FOCAD: variants seen among roughly 807,000 people sequenced by gnomAD.
FOCAD encodes focadhesin.
Under a neutral mutation model 225.6 loss-of-function variants are expected in FOCAD, and 198 were observed. The ratio of observed to expected loss-of-function variants is 0.88; its 90% confidence interval spans 0.78 to 0.99. The LOEUF is 0.99. Among genes scored for constraint, FOCAD ranks in the 50% least tolerant of loss-of-function variants. The pLI, the probability that FOCAD is intolerant of heterozygous loss-of-function variation, is 0.00. For synonymous variants in FOCAD, 897 were observed against 755.0 expected, an observed-to-expected ratio of 1.19 and a Z score of -3.08; for missense variants, 2,713 against 2,123.6, an observed-to-expected ratio of 1.28 and a Z score of -5.46.
At chr9:20,668,616 G>A (rs971760365) in intron 2 of FOCAD, among the ~76,000 whole-genome samples, 4 of 152,204 alleles carry the variant, frequency 2.6e-5, no homozygotes, top group African/African-American at 9.7e-5. Flanking sequence ...TACAGGGCAT[G>A]ATGGCCACTG....
In FOCAD at chr9:20,995,689, G is replaced by T; in HGVS notation, c.*60G>T. 1 of 1,507,572 alleles carries T rather than the reference G, an allele frequency of 6.6e-7. No individual in the cohort carries two copies. 93.4% of individuals were successfully genotyped at this position (1,507,572 alleles called of 1,614,324 possible). ...GATGAGGAAAACCATATAAGTGGAAGAAGTTTTTCAGAATTCATGCCTGGT... is the reference window on the plus strand; with the variant it reads ...GATGAGGAAAACCATATAAGTGGAATAAGTTTTTCAGAATTCATGCCTGGT... On this transcript the variant is annotated 3_prime_UTR_variant, in exon 44 of 44. Coordinates refer to ENST00000338382, the MANE Select transcript of FOCAD (RefSeq NM_001375567.1).
chr9:20,797,072 A>C (rs888634923), intron 11 of FOCAD, among the ~76,000 whole-genome samples: 2 of 152,180 alleles, frequency 1.3e-5, no homozygotes, highest in Non-Finnish European at 2.9e-5. Context: ...TTAAATAGGG[A>C]ATCTTTAACC....
intron 35 of FOCAD, among the ~76,000 whole-genome samples, chr9:20,972,080 A>G (rs573298094): frequency 7.8e-4 from 119 of 152,176 alleles, no homozygotes; most frequent in Non-Finnish European, 1.4e-3. Flanking sequence ...TCTCTTCATG[A>G]TCTTGCTTTC....
chr9:20,786,167 G>T (rs1264760773), intron 10 of FOCAD, among the ~76,000 whole-genome samples: 2 of 151,942 alleles, frequency 1.3e-5, no homozygotes, highest in Non-Finnish European at 2.9e-5. Context: ...TTCTTTCTTT[G>T]TTTTTTTGGC....
chr9:20,906,441 T>A (rs1334849802), intron 21 of FOCAD, among the ~76,000 whole-genome samples: 1 of 151,602 alleles, frequency 6.6e-6, no homozygotes, highest in Non-Finnish European at 1.5e-5. Context: ...TTGATTGATC[T>A]TTCTTTAACA....
At chr9:20,939,896 T>TC (rs996226549) in intron 28 of FOCAD, among the ~76,000 whole-genome samples, 1 of 119,254 alleles carries the variant, frequency 8.4e-6, no homozygotes, top group Non-Finnish European at 1.7e-5. Flanking sequence ...ATGCTATCCC[T>TC]CCCCCCTCCC....
Position 20,702,838 on chromosome 9 carries a change from C to A in FOCAD, c.-32-12484C>A, listed in dbSNP as rs140274919. Among the ~76,000 whole-genome samples, 470 of 152,244 alleles carry A rather than the reference C, an allele frequency of 3.1e-3. 3 individuals carry two copies. Among genetic ancestry groups the A allele is most frequent in the African/African-American group, 0.011 (454 of 41,536 alleles). ...AAAGTGTCTTGTGGAGTGCTTAGCA[C>A]ATAGGAGATGTTTAATCCAATATGG... On this transcript the variant is annotated intron_variant, in intron 1 of 43. Coordinates refer to ENST00000338382, the MANE Select transcript of FOCAD (RefSeq NM_001375567.1).
chr9:20,782,308 G>A (rs1209074991), intron 10 of FOCAD, among the ~76,000 whole-genome samples: 2 of 152,140 alleles, frequency 1.3e-5, no homozygotes, highest in African/African-American at 4.8e-5. Context: ...TCCAAGGTGG[G>A]AAATAGTCCT....
chr9:20,847,802 G>A (rs1340604369), intron 15 of FOCAD, among the ~76,000 whole-genome samples: 1 of 152,060 alleles, frequency 6.6e-6, no homozygotes, highest in Non-Finnish European at 1.5e-5. Context: ...ATGAAAGAAT[G>A]ATCACTTTGC....
At chr9:20,685,529 C>G (rs796719277) in intron 1 of FOCAD, among the ~76,000 whole-genome samples, 14 of 152,274 alleles carry the variant, frequency 9.2e-5, no homozygotes, top group African/African-American at 3.4e-4. Flanking sequence ...ACATCCAATT[C>G]CTGCGTAGAA....
intron 11 of FOCAD, among the ~76,000 whole-genome samples, chr9:20,815,669 C>T (rs952565333): frequency 3.3e-5 from 5 of 152,014 alleles, no homozygotes; most frequent in African/African-American, 4.8e-5. Flanking sequence ...GGAACTTAAA[C>T]GCTGGAGGAG....
chr9:20,797,987 C>G (rs1264865065), intron 11 of FOCAD, among the ~76,000 whole-genome samples: 1 of 152,128 alleles, frequency 6.6e-6, no homozygotes, highest in Non-Finnish European at 1.5e-5. Flanking sequence ...GTGGGTTTGT[C>G]ATAGATAGCT....
At chr9:20,932,907 A>G in intron 27 of FOCAD, 107 bp from the exon 28 acceptor site, 1 of 784,536 alleles carries the variant, frequency 1.3e-6, no homozygotes, top group Non-Finnish European at 2.1e-6. Flanking sequence ...TTTTAAGAGA[A>G]ATGCTGGTAT....
At chr9:20,844,659 C>A (rs779794598) in intron 15 of FOCAD, among the ~76,000 whole-genome samples, 66 of 152,008 alleles carry the variant, frequency 4.3e-4, no homozygotes, top group Non-Finnish European at 7.1e-4. Context: ...CTGTACCCGG[C>A]CTCATCTAAC....
chr9:20,833,529 C>T (rs899558673), intron 15 of FOCAD, among the ~76,000 whole-genome samples: 3 of 152,176 alleles, frequency 2.0e-5, no homozygotes, highest in South Asian at 2.1e-4. Flanking sequence ...CACATGGCAG[C>T]GACCACTTGG....
intron 4 of FOCAD, among the ~76,000 whole-genome samples, chr9:20,738,962 G>T (rs1194088998): frequency 1.3e-5 from 2 of 151,766 alleles, no homozygotes; most frequent in Non-Finnish European, 2.9e-5. Context: ...TTTAAATCTA[G>T]CATGTATTTT....
intron 21 of FOCAD, among the ~76,000 whole-genome samples, chr9:20,887,716 G>A (rs1389071839): frequency 6.6e-6 from 1 of 152,180 alleles, no homozygotes; most frequent in Non-Finnish European, 1.5e-5. Context: ...AGGAGTGAGA[G>A]TGCAACGTCA....
rs151070450 is a variant in FOCAD, at chr9:20,719,849, T to A, written c.133-531T>A. ...TTGCTGGTGGCCTGTCCTACTTCTCTCTTTATATCTGGGCCCACGTTAGAC... is the reference window on the plus strand; with the variant it reads ...TTGCTGGTGGCCTGTCCTACTTCTCACTTTATATCTGGGCCCACGTTAGAC... On this transcript the variant is annotated intron_variant, in intron 3 of 43. Coordinates refer to ENST00000338382, the MANE Select transcript of FOCAD (RefSeq NM_001375567.1). Among the ~76,000 whole-genome samples, 373 of 148,348 alleles carry A rather than the reference T, an allele frequency of 2.5e-3. 2 individuals are homozygous for A. The highest frequency in any genetic ancestry group is 6.8e-3 in the Middle Eastern group (2 of 292).
At chr9:20,818,609 A>G (rs973701080) in intron 11 of FOCAD, among the ~76,000 whole-genome samples, 9 of 152,128 alleles carry the variant, frequency 5.9e-5, no homozygotes, top group South Asian at 2.1e-4. Context: ...TTCCAGCACT[A>G]TCCCTCCGAG....
Sources: allele counts gnomAD v4.1 joint callset (sites outside exome capture counted in the v4.1 genomes callset), GRCh38; gene constraint gnomAD v4.1.1; transcripts MANE v1.5; gene names NCBI Gene and HGNC (gene_info 2026-07-23, HGNC 2026-07-21).